The following KIAA1328 variants were observed in gnomAD, a reference collection of about 807,000 sequenced individuals.
The protein encoded by KIAA1328 is protein hinderin.
In KIAA1328, 52 loss-of-function variants were observed where a neutral mutation model predicts 68.1. The ratio of observed to expected loss-of-function variants is 0.76; its 90% CI spans 0.61 to 0.96. The LOEUF (loss-of-function observed/expected upper bound fraction) is 0.96, where lower values mean the gene tolerates loss of function less well. Ranked by LOEUF, KIAA1328 falls within the 40% of genes least tolerant of loss-of-function variation. KIAA1328 has a pLI of 0.00. For missense variants in KIAA1328, 641 were observed against 677.6 expected, an observed-to-expected ratio of 0.95 and a Z score of 0.60; for synonymous variants, 232 against 239.4, an observed-to-expected ratio of 0.97 and a Z score of 0.28.
intron 9 of KIAA1328, among the ~76,000 whole-genome samples, chr18:37,197,040 A>G (rs1249605556): frequency 2.0e-5 from 3 of 151,518 alleles, no homozygotes; most frequent in Non-Finnish European, 4.4e-5. Context: ...GAACCTCTCT[A>G]TTTCTTCTAG....
chr18:37,215,291 A>G (rs2060406160), intron 9 of KIAA1328, among the ~76,000 whole-genome samples: 1 of 152,216 alleles, frequency 6.6e-6, no homozygotes, highest in Non-Finnish European at 1.5e-5. Context: ...TGGGTTTGTC[A>G]TAAATAGCTC....
intron 7 of KIAA1328, among the ~76,000 whole-genome samples, chr18:37,119,934 G>A (rs987179622): frequency 6.6e-6 from 1 of 152,068 alleles, no homozygotes; most frequent in African/African-American, 2.4e-5. Context: ...ATGGTTTATT[G>A]TAGGGATGGG....
chr18:37,044,063 T>A (rs1446616706), intron 6 of KIAA1328, among the ~76,000 whole-genome samples: 4 of 152,242 alleles, frequency 2.6e-5, no homozygotes, highest in Non-Finnish European at 5.9e-5. Flanking sequence ...ACGTTTAATT[T>A]AACAAACTAT....
chr18:37,090,201 A>G (rs1383527534), intron 7 of KIAA1328, among the ~76,000 whole-genome samples: 1 of 152,206 alleles, frequency 6.6e-6, no homozygotes, highest in African/African-American at 2.4e-5. Context: ...CATTTATTTT[A>G]GTCCCAAATT....
At chr18:37,062,016 T>C (rs1168907989) in intron 6 of KIAA1328, among the ~76,000 whole-genome samples, 1 of 152,216 alleles carries the variant, frequency 6.6e-6, no homozygotes, top group Non-Finnish European at 1.5e-5. Flanking sequence ...ACTAACTTTA[T>C]GTTAGATATG....
intron 4 of KIAA1328, among the ~76,000 whole-genome samples, chr18:36,868,538 C>A (rs2047833089): frequency 6.6e-6 from 1 of 152,116 alleles, no homozygotes; most frequent in South Asian, 2.1e-4. Flanking sequence ...GTTACTGAGA[C>A]TTTTTAAGAT....
In KIAA1328 at chr18:36,844,320, A is replaced by G. The variant is rs1337990504; in HGVS notation, c.332+18A>G. ...CTGGCCAGGTGAGATAAAACCTTATATGAAATGATTTATTATACAAAAGAC... is the reference window on the plus strand; with the variant it reads ...CTGGCCAGGTGAGATAAAACCTTATGTGAAATGATTTATTATACAAAAGAC... On this transcript the variant is annotated intron_variant, in intron 4 of 9. Transcript: ENST00000280020. 1 of 1,493,666 alleles carries G rather than the reference A, an allele frequency of 6.7e-7. No homozygotes were observed. Among genetic ancestry groups the G allele is most frequent in the South Asian group, 1.3e-5 (1 of 79,012 alleles). 92.5% of individuals were successfully genotyped at this position (1,493,666 alleles called of 1,614,324 possible). A position where few individuals can be genotyped will look rare whatever the true frequency, so the allele number is the denominator to read the frequency against.
intron 5 of KIAA1328, among the ~76,000 whole-genome samples, chr18:36,952,127 C>T (rs959038709): frequency 3.3e-5 from 5 of 152,166 alleles, no homozygotes; most frequent in Non-Finnish European, 7.3e-5. Flanking sequence ...TCTTAATGTA[C>T]ATATTGATCA....
intron 8 of KIAA1328, among the ~76,000 whole-genome samples, chr18:37,167,611 C>T (rs976567377): frequency 2.6e-5 from 4 of 152,174 alleles, no homozygotes; most frequent in East Asian, 1.9e-4. Context: ...TTGGTATGTT[C>T]TTCCGCTCCT....
chr18:36,859,728 G>A (rs1297891928), intron 4 of KIAA1328, among the ~76,000 whole-genome samples: 1 of 151,502 alleles, frequency 6.6e-6, no homozygotes, highest in Non-Finnish European at 1.5e-5. Context: ...GGGATTATAG[G>A]TGCGAGCCAC....
At chr18:37,010,441 T>TAAAAAAAAAAAAAAAAA (rs59927777) in intron 6 of KIAA1328, among the ~76,000 whole-genome samples, 1 of 90,314 alleles carries the variant, frequency 1.1e-5, no homozygotes, top group Non-Finnish European at 2.0e-5. Context: ...AGACACCATC[T>TAAAAAAAAAAAAAAAAA]AAAAAAAAAA....
Position 36,887,925 on chromosome 18 carries a change from C to A in KIAA1328, c.448+2253C>A, listed in dbSNP as rs963470588. Among the ~76,000 whole-genome samples, 123 of 152,220 alleles carry A rather than the reference C, an allele frequency of 8.1e-4. 1 individual carries two copies. The highest frequency in any genetic ancestry group is 7.7e-4 in the African/African-American group (32 of 41,538). Reference sequence around the variant, plus strand: ...TAGTAGACAGTTTAGAAAACCTGGGCACAATTAGAGTGGGCCCTTGTTTGG... The same window carrying A: ...TAGTAGACAGTTTAGAAAACCTGGGAACAATTAGAGTGGGCCCTTGTTTGG... On this transcript the variant is annotated intron_variant, in intron 5 of 9. Coordinates refer to ENST00000280020, the MANE Select transcript of KIAA1328 (RefSeq NM_020776.3).
At position 37,224,584 on chromosome 18, in the gene KIAA1328, C is replaced by G; in HGVS notation, c.*2357C>G. 3 of 967,838 alleles carry G rather than the reference C, an allele frequency of 3.1e-6. No individual in the cohort carries two copies. The highest frequency in any genetic ancestry group is 3.7e-6 in the Non-Finnish European group (3 of 813,968). The allele number at this position is 967,838 out of a possible 1,614,324, so 60.0% of individuals were successfully genotyped here. A position where few individuals can be genotyped will look rare whatever the true frequency, so the allele number is the denominator to read the frequency against. On this transcript the variant is annotated 3_prime_UTR_variant, in exon 10 of 10. Transcript: ENST00000280020. The stretch of plus-strand genomic sequence containing the variant: ...GAATAGTACATGTTAACATTTTAAT[C>G]TATTTAAATTTACTTTGAAATATAT...
At chr18:36,922,644 T>C (rs531132775) in intron 5 of KIAA1328, among the ~76,000 whole-genome samples, 4 of 152,308 alleles carry the variant, frequency 2.6e-5, no homozygotes, top group African/African-American at 9.6e-5. Context: ...TTACTAAAAA[T>C]GTTTATATTT....
At chr18:36,999,715 A>G (rs1182677259) in intron 6 of KIAA1328, among the ~76,000 whole-genome samples, 6 of 152,210 alleles carry the variant, frequency 3.9e-5, no homozygotes, top group Non-Finnish European at 8.8e-5. Flanking sequence ...AAAATATTTC[A>G]CTGAGGAAAT....
At chr18:37,096,214 C>G (rs1364078464) in intron 7 of KIAA1328, among the ~76,000 whole-genome samples, 1 of 152,166 alleles carries the variant, frequency 6.6e-6, no homozygotes, top group Non-Finnish European at 1.5e-5. Flanking sequence ...TCTCCTAATG[C>G]TATCCCTCCC....
chr18:36,923,121 T>G (rs2049988437), intron 5 of KIAA1328, among the ~76,000 whole-genome samples: 1 of 151,900 alleles, frequency 6.6e-6, no homozygotes, highest in South Asian at 2.1e-4. Context: ...TAAATGAAAA[T>G]GAAAACACAA....
intron 5 of KIAA1328, among the ~76,000 whole-genome samples, chr18:36,927,113 A>C (rs913172585): frequency 4.6e-5 from 7 of 152,310 alleles, no homozygotes; most frequent in South Asian, 4.1e-4. Context: ...CTCCACCTTC[A>C]ACATTGGGAA....
chr18:37,168,986 A>G (rs1368357774), intron 8 of KIAA1328, among the ~76,000 whole-genome samples: 2 of 152,138 alleles, frequency 1.3e-5, no homozygotes, highest in Non-Finnish European at 2.9e-5. Flanking sequence ...AGTTATATCT[A>G]AATAGGACAT....
Sources: allele counts gnomAD v4.1 joint callset (sites outside exome capture counted in the v4.1 genomes callset), GRCh38; gene constraint gnomAD v4.1.1; transcripts MANE v1.5; gene names NCBI Gene and HGNC (gene_info 2026-07-23, HGNC 2026-07-21).